NBEA: variants seen among roughly 807,000 people sequenced by gnomAD.
NBEA encodes lysosomal-trafficking regulator 2.
A neutral mutation model predicts 343.4 loss-of-function variants in NBEA; 44 were observed. The ratio of observed to expected loss-of-function variants is 0.13; its 90% CI spans 0.10 to 0.16. The LOEUF is 0.16. NBEA is among the 10% of genes least tolerant of loss of function. NBEA has a pLI of 1.00. For missense variants in NBEA, 2,555 were observed against 3,631.3 expected, an observed-to-expected ratio of 0.70 and a Z score of 7.62; for synonymous variants, 1,175 against 1,238.7, an observed-to-expected ratio of 0.95 and a Z score of 1.08.
At chr13:35,085,625 C>CAT (rs2064711463) in intron 10 of NBEA, among the ~76,000 whole-genome samples, 1 of 152,104 alleles carries the variant, frequency 6.6e-6, no homozygotes, top group Non-Finnish European at 1.5e-5. Context: ...CAGCCAATAT[C>CAT]ATACTGAATG....
intron 41 of NBEA, among the ~76,000 whole-genome samples, chr13:35,520,887 A>G (rs188181253): frequency 6.6e-6 from 1 of 152,282 alleles, no homozygotes; most frequent in East Asian, 1.9e-4. Flanking sequence ...ACTATAAATG[A>G]AACTTTTTTC....
chr13:35,519,910 C>G (rs965713493), intron 41 of NBEA, among the ~76,000 whole-genome samples: 1 of 152,180 alleles, frequency 6.6e-6, no homozygotes, highest in Admixed American at 6.5e-5. Flanking sequence ...TAACCAAACT[C>G]TCTTTATCCC....
chr13:35,103,615 T>G (rs2065764924), intron 11 of NBEA, among the ~76,000 whole-genome samples: 1 of 151,826 alleles, frequency 6.6e-6, no homozygotes, highest in Non-Finnish European at 1.5e-5. Context: ...TTTCTCCTAT[T>G]TTTAGTTCCA....
Position 35,195,989 on chromosome 13 carries a change from A to T in NBEA, c.5053A>T (p.Ile1685Phe). ...AATTGGAGAGGAGCAAGTGGCTAGC[A>T]TCCTGAATGGGGCAGAATTAGAAAC... Reference protein sequence around the residue: ...SGIGEEQVASILNGAELETST... With the variant: ...SGIGEEQVASFLNGAELETST... Residue 1685 changes from isoleucine (I) to phenylalanine (F), a missense_variant, in exon 31 of 59, where the codon ATC (isoleucine) becomes TTC (phenylalanine). Ile to Phe is a conservative substitution (Grantham distance 21). Transcript: ENST00000379939. 1 of 1,613,674 alleles carries T rather than the reference A, an allele frequency of 6.2e-7. No homozygotes were observed. The highest frequency in any genetic ancestry group is 8.5e-7 in the Non-Finnish European group (1 of 1,179,730).
chr13:35,214,865 TTGTGTCTGTGG>T lies in NBEA; in HGVS notation c.5648+3689_5648+3699del, dbSNP rs1421420033. Among the ~76,000 whole-genome samples the T allele has an allele frequency of 4.6e-5, 7 of 151,916 alleles. No homozygotes were observed. The East Asian group carries it at 1.4e-3, about 29-fold the overall frequency. On this transcript the variant is annotated intron_variant, in intron 33 of 58. Transcript: ENST00000379939. Reference sequence around the variant, plus strand: ...TTTCTGATCTGTTTTGACTTAGTTTTTGTGTCTGTGGTGAGGTAAAGGTTGGGATTTGGCTC... The same window carrying T: ...TTTCTGATCTGTTTTGACTTAGTTTTTGAGGTAAAGGTTGGGATTTGGCTC...
chr13:34,944,885 T>G (rs528384992), intron 1 of NBEA, among the ~76,000 whole-genome samples: 2 of 152,294 alleles, frequency 1.3e-5, no homozygotes, highest in East Asian at 3.9e-4. Context: ...GAAACTGATT[T>G]GAATGTATAA....
rs199932755 is a variant in NBEA, at chr13:35,633,104, TTTTG to T, written c.7617+4868_7617+4871del. On this transcript the variant is annotated intron_variant, in intron 49 of 58. Transcript: ENST00000379939. Reference sequence around the variant, plus strand: ...TAGCTAACACTCTCATTAAATAATTTTTTGTTTGTTTGTTTTGAGACAGAGTCTC... The same window carrying T: ...TAGCTAACACTCTCATTAAATAATTTTTTGTTTGTTTTGAGACAGAGTCTC... Among the ~76,000 whole-genome samples the T allele has an allele frequency of 8.2e-3, 1,241 of 151,726 alleles. 18 individuals carry two copies. Among genetic ancestry groups the T allele is most frequent in the African/African-American group, 0.028 (1,157 of 41,394 alleles).
intron 44 of NBEA, 99 bp from the exon 45 acceptor site, chr13:35,566,806 T>C (rs2080159514): frequency 9.3e-6 from 6 of 646,260 alleles, no homozygotes; most frequent in Middle Eastern, 2.9e-4. Flanking sequence ...AAATAAAAAG[T>C]TATTTTCTTC....
intron 53 of NBEA, among the ~76,000 whole-genome samples, chr13:35,652,404 T>G (rs1593476872): frequency 1.4e-5 from 2 of 147,102 alleles, no homozygotes; most frequent in African/African-American, 5.0e-5. Context: ...ACTTTGGGAG[T>G]CCAAGACGGG....
chr13:34,999,559 G>C (rs2061054191), intron 1 of NBEA, among the ~76,000 whole-genome samples: 1 of 151,938 alleles, frequency 6.6e-6, no homozygotes. Flanking sequence ...TGTAATACCT[G>C]CTTTGCCATG....
chr13:35,109,140 GTTATA>G (rs2066062077), intron 11 of NBEA, 145 bp from the exon 12 acceptor site: 1 of 695,646 alleles, frequency 1.4e-6, no homozygotes, highest in Non-Finnish European at 2.1e-6. Flanking sequence ...ATCTCTTAAA[GTTATA>G]TTTTAATAGC....
chr13:35,260,221 G>A (rs2033083410), intron 34 of NBEA, among the ~76,000 whole-genome samples: 1 of 152,104 alleles, frequency 6.6e-6, no homozygotes, highest in South Asian at 2.1e-4. Context: ...TGAATATAAG[G>A]CCCTACACAG....
chr13:35,525,751 G>T (rs745452801), intron 41 of NBEA, among the ~76,000 whole-genome samples: 10 of 152,138 alleles, frequency 6.6e-5, no homozygotes, highest in Middle Eastern at 3.4e-3. Flanking sequence ...TTATAGTTGT[G>T]GAGGCTGGGA....
chr13:35,532,266 T>C (rs2078299864), intron 41 of NBEA, among the ~76,000 whole-genome samples: 1 of 152,186 alleles, frequency 6.6e-6, no homozygotes, highest in Admixed American at 6.5e-5. Context: ...CATTAAAATA[T>C]CTTTTCCTCA....
rs746011284 is a variant in NBEA at position 35,566,886 on chromosome 13, TTC to T, written c.6923-17_6923-16del. On this transcript the variant is annotated splice_polypyrimidine_tract_variant and intron_variant, in intron 44 of 58. Transcript: ENST00000379939. Reference sequence around the variant, plus strand: ...GCATTTTGTGTGTACAAATTTTTATTTCTGTTTTTCTTTACTAGGACGGACAT... The same window carrying T: ...GCATTTTGTGTGTACAAATTTTTATTTGTTTTTCTTTACTAGGACGGACAT... The T allele has an allele frequency of 7.1e-7, 1 of 1,408,512 alleles. No individual in the cohort carries two copies. The highest frequency in any genetic ancestry group is 2.3e-5 in the East Asian group (1 of 43,136). The allele number at this position is 1,408,512 out of a possible 1,614,324, so 87.3% of individuals were successfully genotyped here. A position where few individuals can be genotyped will look rare whatever the true frequency, so the allele number is the denominator to read the frequency against.
At chr13:35,203,939 G>A (rs2073195591) in intron 31 of NBEA, among the ~76,000 whole-genome samples, 2 of 152,148 alleles carry the variant, frequency 1.3e-5, no homozygotes, top group African/African-American at 4.8e-5. Flanking sequence ...GGAAAGCATA[G>A]TATTGAGATT....
At position 35,208,699 on chromosome 13, in the gene NBEA, G is replaced by T; in HGVS notation, c.5367-1G>T. Reference sequence around the variant, plus strand: ...ATTTTCAATCCTTCATTTCTTTGCAGGAGTGTTGTGGTGCCTGTAAAGAAA... The same window carrying T: ...ATTTTCAATCCTTCATTTCTTTGCATGAGTGTTGTGGTGCCTGTAAAGAAA... On this transcript the variant is annotated splice_acceptor_variant, in intron 31 of 58. Coordinates refer to ENST00000379939, the MANE Select transcript of NBEA (RefSeq NM_001385012.1). LOFTEE classifies it high-confidence loss of function. 1 of 1,557,818 alleles carries T rather than the reference G, an allele frequency of 6.4e-7. No individual in the cohort carries two copies. Among genetic ancestry groups the T allele is most frequent in the Non-Finnish European group, 8.7e-7 (1 of 1,147,836 alleles).
chr13:35,148,306 T>C (rs1481571682), intron 18 of NBEA, among the ~76,000 whole-genome samples: 1 of 152,208 alleles, frequency 6.6e-6, no homozygotes, highest in East Asian at 1.9e-4. Flanking sequence ...TAAAGTTTTA[T>C]AGAACATAAC....
intron 1 of NBEA, among the ~76,000 whole-genome samples, chr13:34,988,252 G>A (rs545101204): frequency 2.2e-4 from 33 of 151,118 alleles, no homozygotes; most frequent in African/African-American, 6.5e-4. Context: ...TAGGCTACAC[G>A]GGGGTCAGGG....
Sources: gnomAD v4.1 joint callset for allele counts (sites outside exome capture counted in the v4.1 genomes callset) on GRCh38, gnomAD v4.1.1 for gene constraint, MANE v1.5 for transcripts, NCBI Gene and HGNC (gene_info 2026-07-23, HGNC 2026-07-21) for gene names.